Variants in PRKDC observed in about 807,000 individuals in gnomAD.
PRKDC encodes the protein protein kinase, DNA-activated, catalytic subunit, also known as DNA-dependent protein kinase catalytic subunit.
A neutral mutation model predicts 486.9 loss-of-function variants in PRKDC; 82 were observed. That is an observed-to-expected ratio of 0.17 (90% CI 0.14 to 0.20). The LOEUF is 0.20. Ranked by LOEUF, PRKDC falls within the 10% of genes least tolerant of loss-of-function variation. The pLI is 1.00. For synonymous variants in PRKDC, 1,895 were observed against 1,837.0 expected (o/e 1.03, Z -0.81); for missense variants, 4,504 against 5,038.2 (o/e 0.89, Z 3.21).
intron 3 of PRKDC, 134 bp from the exon 4 acceptor site, chr8:47,956,082 G>C (rs2090695507): frequency 1.4e-6 from 1 of 691,294 alleles, no homozygotes; most frequent in South Asian, 2.0e-5. Context: ...ATAACATTAG[G>C]CCGGGCATAG....
intron 68 of PRKDC, among the ~76,000 whole-genome samples, chr8:47,810,550 A>G (rs1436943887): frequency 6.6e-6 from 1 of 152,216 alleles, no homozygotes; most frequent in Non-Finnish European, 1.5e-5. Context: ...ATTAACTGAT[A>G]AAAAGAATCA....
intron 63 of PRKDC, among the ~76,000 whole-genome samples, chr8:47,826,361 T>C (rs1417117726): frequency 6.6e-6 from 1 of 152,220 alleles, no homozygotes; most frequent in Non-Finnish European, 1.5e-5. Context: ...GATTCACAGC[T>C]ACACTTTACA....
At chr8:47,791,391 C>T (rs2086880378) in intron 74 of PRKDC, among the ~76,000 whole-genome samples, 2 of 152,146 alleles carry the variant, frequency 1.3e-5, no homozygotes, top group Admixed American at 1.3e-4. Flanking sequence ...AGGAGAATCG[C>T]TTGAACCCGG....
intron 36 of PRKDC, among the ~76,000 whole-genome samples, chr8:47,884,704 T>G (rs1014045433): frequency 1.3e-5 from 2 of 152,224 alleles, no homozygotes; most frequent in Non-Finnish European, 2.9e-5. Flanking sequence ...AGAAAAGCAC[T>G]GTTTGCAATA....
At chr8:47,783,141 G>A (rs2086725180) in intron 78 of PRKDC, 2 of 159,632 alleles carry the variant, frequency 1.3e-5, no homozygotes, top group Non-Finnish European at 2.8e-5. Context: ...AGCCAGGCAT[G>A]GTGGCGCACA....
At chr8:47,905,362 TGAA>T (rs1384287433) in intron 25 of PRKDC, among the ~76,000 whole-genome samples, 1 of 152,178 alleles carries the variant, frequency 6.6e-6, no homozygotes, top group Non-Finnish European at 1.5e-5. Context: ...AATTCCATGA[TGAA>T]GAGTCCAGCA....
intron 48 of PRKDC, among the ~76,000 whole-genome samples, chr8:47,858,234 C>A (rs185441244): frequency 5.9e-5 from 9 of 151,324 alleles, no homozygotes; most frequent in Admixed American, 2.0e-4. Context: ...ACGTTGGCAG[C>A]CGTAAGAAAG....
At position 47,948,460 on chromosome 8, in the gene PRKDC, G is replaced by GT. The variant is rs1194268682; in HGVS notation, c.722-4432dup. Among the ~76,000 whole-genome samples, 993 of 120,214 alleles carry GT rather than the reference G, an allele frequency of 8.3e-3. 5 individuals carry two copies. The highest frequency in any genetic ancestry group is 0.029 in the South Asian group (102 of 3,530). The allele number at this position is 120,214 out of a possible 152,430, so 78.9% of individuals were successfully genotyped here. On this transcript the variant is annotated intron_variant, in intron 7 of 85. Transcript: ENST00000314191. ...ACAGTCTGTATTTCCTGGGTGCCTT[G>GT]TTTTTTTTTTTTTTTTGAGACAGAG...
intron 77 of PRKDC, 80 bp downstream of exon 77, chr8:47,785,033 C>A (rs1158701929): frequency 7.4e-7 from 1 of 1,360,364 alleles, no homozygotes; most frequent in Non-Finnish European, 1.0e-6. Flanking sequence ...CCCAGTATCA[C>A]TATTCCAGAA....
At chr8:47,942,233 G>A (rs908609963) in intron 10 of PRKDC, among the ~76,000 whole-genome samples, 2 of 152,228 alleles carry the variant, frequency 1.3e-5, no homozygotes, top group African/African-American at 4.8e-5. Context: ...CCCTTAGCAA[G>A]TAAGGCCAGC....
chr8:47,834,326 T>C lies in PRKDC; in HGVS notation c.8022A>G (p.Ser2674=). 6.2e-7 allele frequency: 1 copy of C among 1,614,012 alleles called. No homozygotes were observed. The highest frequency in any genetic ancestry group is 8.5e-7 in the Non-Finnish European group (1 of 1,179,904). ...TDPLVDHTSP[S]SDSLLFAHKR... is the part of the protein sequence containing the mutation. Reference sequence around the variant, plus strand: ...TGTGGGCAAACAGCAAGGAGTCAGATGAGGGACTGGTGTGGTCGACCAGCG... The same window carrying C: ...TGTGGGCAAACAGCAAGGAGTCAGACGAGGGACTGGTGTGGTCGACCAGCG... Residue 2674 remains serine, a synonymous_variant, in exon 59 of 86, where the codon TCA becomes TCG. Transcript: ENST00000314191.
chr8:47,867,488 G>A (rs555132494), intron 40 of PRKDC, among the ~76,000 whole-genome samples: 3 of 152,256 alleles, frequency 2.0e-5, no homozygotes, highest in East Asian at 3.9e-4. Flanking sequence ...ATCCTTAGAT[G>A]GCATGTACTA....
intron 58 of PRKDC, among the ~76,000 whole-genome samples, chr8:47,835,620 CAAAAAA>C (rs71548446): frequency 1.7e-3 from 35 of 20,474 alleles, no homozygotes; most frequent in South Asian, 2.8e-3. Context: ...GACTCTGTCT[CAAAAAA>C]AAAAAAAAAA....
At chr8:47,959,283 G>A (rs2090769187) in intron 1 of PRKDC, 1 of 152,192 alleles carries the variant, frequency 6.6e-6, no homozygotes, top group Admixed American at 6.5e-5. Context: ...AAAAGAACAT[G>A]ACTTCAATTA....
chr8:47,912,633 C>T, intron 24 of PRKDC, 71 bp from the exon 25 acceptor site: 1 of 1,410,746 alleles, frequency 7.1e-7, no homozygotes, highest in Non-Finnish European at 9.4e-7. Context: ...TGAAATGTCA[C>T]TCAATTTAGC....
At chr8:47,863,170 G>A (rs1364137957) in intron 42 of PRKDC, among the ~76,000 whole-genome samples, 1 of 151,984 alleles carries the variant, frequency 6.6e-6, no homozygotes, top group East Asian at 1.9e-4. Flanking sequence ...ACAGTAAAAG[G>A]AAAAAGTTTT....
At chr8:47,887,733 TAGCAAAA>T in intron 34 of PRKDC, 28 bp from the exon 35 acceptor site, 1 of 1,568,222 alleles carries the variant, frequency 6.4e-7, no homozygotes, top group South Asian at 1.2e-5. Flanking sequence ...CTGAAATGCC[TAGCAAAA>T]AGATATTTCT....
intron 17 of PRKDC, 69 bp from the exon 18 acceptor site, chr8:47,930,081 T>C (rs2090225192): frequency 1.5e-6 from 2 of 1,369,424 alleles, no homozygotes; most frequent in South Asian, 1.3e-5. Context: ...GTAAGGGACA[T>C]AATCGAACAA....
At position 47,820,779 on chromosome 8, in the gene PRKDC, C is replaced by T. The variant is rs1478782975; in HGVS notation, c.9276G>A (p.Leu3092=). 2 of 1,608,748 alleles carry T rather than the reference C, an allele frequency of 1.2e-6. No individual in the cohort carries two copies. Among genetic ancestry groups the T allele is most frequent in the African/African-American group, 1.3e-5 (1 of 74,774 alleles). ...YSQELSLLYL[L]QDDVDRAKYY... Reference sequence around the variant, plus strand: ...ATTTGGCTCTGTCAACATCATCTTGCAGGAGGTAAAGCAGACTCAGCTCTT... The same window carrying T: ...ATTTGGCTCTGTCAACATCATCTTGTAGGAGGTAAAGCAGACTCAGCTCTT... The change falls in exon 66 of 86, where the codon CTG becomes CTA. Residue 3092 remains leucine, a synonymous_variant. Coordinates refer to ENST00000314191, the MANE Select transcript of PRKDC (RefSeq NM_006904.7).
Sources: gnomAD v4.1 joint callset for allele counts (sites outside exome capture counted in the v4.1 genomes callset) on GRCh38, gnomAD v4.1.1 for gene constraint, MANE v1.5 for transcripts, NCBI Gene and HGNC (gene_info 2026-07-23, HGNC 2026-07-21) for gene names.